TBL1X: variants seen among roughly 807,000 people sequenced by gnomAD.
TBL1X encodes the protein F-box-like/WD repeat-containing protein TBL1X.
In TBL1X, 10 loss-of-function variants were observed where a neutral mutation model predicts 50.7. The observed-to-expected ratio is 0.20, with a 90% CI of 0.12 to 0.33. The LOEUF (loss-of-function observed/expected upper bound fraction) is 0.33. TBL1X is among the 10% of genes least tolerant of loss of function. The pLI is 1.00. For synonymous variants in TBL1X, 190 were observed against 214.7 expected, an observed-to-expected ratio of 0.88 and a Z score of 1.01; for missense variants, 340 against 504.4, an observed-to-expected ratio of 0.67 and a Z score of 3.12.
intron 2 of TBL1X, among the ~76,000 whole-genome samples, chrX:9,513,424 C>T (rs1292901344): frequency 9.0e-6 from 1 of 111,420 alleles, no homozygotes; most frequent in Non-Finnish European, 1.9e-5. Flanking sequence ...CTCTTTCTGC[C>T]TTAGTTACCT....
intron 2 of TBL1X, among the ~76,000 whole-genome samples, chrX:9,626,640 A>G (rs1364003722): frequency 1.8e-5 from 2 of 112,720 alleles, no homozygotes; most frequent in African/African-American, 6.5e-5. Flanking sequence ...CGATGATTTC[A>G]TGCTGTAAAC....
intron 13 of TBL1X, among the ~76,000 whole-genome samples, chrX:9,706,597 A>G (rs1439329630): frequency 9.0e-6 from 1 of 110,872 alleles, no homozygotes. Context: ...AGGGAACAAC[A>G]ATGGGAACAA....
rs2083136810 is a variant in TBL1X, at chrX:9,697,237, G to T, written c.1054-132G>T. 1.2e-5 allele frequency: 10 copies of T among 807,595 alleles called. No homozygotes were observed. The South Asian group carries it at 1.8e-4, about 14-fold the overall frequency. The allele number at this position is 807,595 out of a possible 1,213,427, so 66.6% of individuals were successfully genotyped here. On this transcript the variant is annotated intron_variant, in intron 11 of 17. Coordinates refer to ENST00000645353, the MANE Select transcript of TBL1X (RefSeq NM_005647.4). ...CAGAAAATTGAAACTAGCCCATAAGGCTCACTCTCTATCTCTATTGGACAG... is the reference window on the plus strand; with the variant it reads ...CAGAAAATTGAAACTAGCCCATAAGTCTCACTCTCTATCTCTATTGGACAG...
At position 9,694,732 on chromosome X, in the gene TBL1X, G is replaced by A. The variant is rs1192433729; in HGVS notation, c.1053+1313G>A. Among the ~76,000 whole-genome samples the A allele has an allele frequency of 5.4e-5, 6 of 111,439 alleles. No homozygotes were observed. The Admixed American group carries it at 5.7e-4, about 11-fold the overall frequency. On this transcript the variant is annotated intron_variant, in intron 11 of 17. Transcript: ENST00000645353. ...CTCACGCCTGTAATCCCAGCACTTTGGGAGGCCACGGCAGGCAGATCACCT... is the reference window on the plus strand; with the variant it reads ...CTCACGCCTGTAATCCCAGCACTTTAGGAGGCCACGGCAGGCAGATCACCT...
At chrX:9,593,146 A>G (rs1315275443) in intron 2 of TBL1X, among the ~76,000 whole-genome samples, 1 of 111,345 alleles carries the variant, frequency 9.0e-6, no homozygotes, top group Non-Finnish European at 1.9e-5. Flanking sequence ...TCAGGCCTGT[A>G]ATCCCAGCAC....
intron 5 of TBL1X, among the ~76,000 whole-genome samples, chrX:9,657,854 T>C (rs748404535): frequency 9.3e-4 from 104 of 112,098 alleles, no homozygotes; most frequent in Non-Finnish European, 1.8e-3. Context: ...AGTGCCAAAA[T>C]GGATTTGTTG....
intron 2 of TBL1X, among the ~76,000 whole-genome samples, chrX:9,513,114 G>A (rs1317664976): frequency 9.0e-6 from 1 of 110,773 alleles, no homozygotes; most frequent in Admixed American, 9.7e-5. Flanking sequence ...GCACAGTTGA[G>A]GAAACAAACA....
chrX:9,616,167 G>C (rs759965984), intron 2 of TBL1X, among the ~76,000 whole-genome samples: 8 of 111,534 alleles, frequency 7.2e-5, no homozygotes, highest in Non-Finnish European at 1.5e-4. Flanking sequence ...TTTCAGATTG[G>C]TGTATTTGCC....
chrX:9,651,837 C>T (rs111477584), intron 3 of TBL1X, among the ~76,000 whole-genome samples: 1,636 of 112,302 alleles, frequency 0.015, 22 homozygotes, highest in African/African-American at 0.048. Context: ...AGTGTTCTGG[C>T]AACTATAAAA....
intron 2 of TBL1X, among the ~76,000 whole-genome samples, chrX:9,629,929 C>T (rs1429014954): frequency 9.0e-6 from 1 of 111,022 alleles, no homozygotes; most frequent in Non-Finnish European, 1.9e-5. Context: ...ATGCCAGTCC[C>T]GCTCTTTCCT....
intron 2 of TBL1X, among the ~76,000 whole-genome samples, chrX:9,558,385 T>G (rs918641880): frequency 9.1e-6 from 1 of 110,403 alleles, no homozygotes; most frequent in African/African-American, 3.3e-5. Context: ...GGCGTAGTGG[T>G]GCACACCTGT....
At chrX:9,622,090 AT>A (rs112829952) in intron 2 of TBL1X, among the ~76,000 whole-genome samples, 5,302 of 104,868 alleles carry the variant, frequency 0.051, 162 homozygotes, top group African/African-American at 0.11. Context: ...GATATTTCTG[AT>A]TTTTTTTTTT....
At chrX:9,553,438 AGTG>A (rs1032755587) in intron 2 of TBL1X, among the ~76,000 whole-genome samples, 2 of 111,797 alleles carry the variant, frequency 1.8e-5, no homozygotes, top group Non-Finnish European at 3.8e-5. Flanking sequence ...AACCTAAGAG[AGTG>A]TGTCTGTGTT....
intron 3 of TBL1X, among the ~76,000 whole-genome samples, chrX:9,651,283 G>A (rs1414193890): frequency 3.6e-5 from 4 of 111,655 alleles, no homozygotes; most frequent in African/African-American, 9.8e-5. Flanking sequence ...GGGCTCAAGC[G>A]ATCCGCCTGC....
At position 9,546,123 on chromosome X, in the gene TBL1X, T is replaced by C. The variant is rs746651393; in HGVS notation, c.-131+44274T>C. ...TGTTACCAATGAGTAATCTGTGCTATGATACAGTGAGATGGTGTGATTATT... is the reference window on the plus strand; with the variant it reads ...TGTTACCAATGAGTAATCTGTGCTACGATACAGTGAGATGGTGTGATTATT... On this transcript the variant is annotated intron_variant, in intron 2 of 17. Coordinates refer to ENST00000645353, the MANE Select transcript of TBL1X (RefSeq NM_005647.4). Among the ~76,000 whole-genome samples the C allele has an allele frequency of 2.7e-5, 3 of 112,180 alleles. No individual in the cohort carries two copies. In the East Asian group the frequency reaches 8.4e-4, roughly 31 times the overall value.
intron 1 of TBL1X, among the ~76,000 whole-genome samples, chrX:9,480,471 A>G (rs771253152): frequency 1.1e-3 from 126 of 112,199 alleles, no homozygotes; most frequent in African/African-American, 4.0e-3. Flanking sequence ...TAAGACTTGA[A>G]GGGGATTATT....
chrX:9,701,425 G>C (rs1329775791), intron 12 of TBL1X, among the ~76,000 whole-genome samples: 2 of 109,680 alleles, frequency 1.8e-5, no homozygotes, highest in East Asian at 5.8e-4. Context: ...AGCTGACTCA[G>C]AGTGGGGCTA....
At chrX:9,470,629 C>T (rs1373196785) in intron 1 of TBL1X, among the ~76,000 whole-genome samples, 1 of 111,758 alleles carries the variant, frequency 8.9e-6, no homozygotes, top group African/African-American at 3.2e-5. Flanking sequence ...TTTCTAATGT[C>T]GTGTTTTTGT....
chrX:9,476,281 G>A (rs1361281007), intron 1 of TBL1X, among the ~76,000 whole-genome samples: 1 of 111,808 alleles, frequency 8.9e-6, no homozygotes, highest in Non-Finnish European at 1.9e-5. Flanking sequence ...TACCTTATCT[G>A]ACTCCACAGC....
Sources: gnomAD v4.1 joint callset for allele counts (sites outside exome capture counted in the v4.1 genomes callset) on GRCh38, gnomAD v4.1.1 for gene constraint, MANE v1.5 for transcripts, NCBI Gene and HGNC (gene_info 2026-07-23, HGNC 2026-07-21) for gene names.